The following ZNF423 variants were observed in gnomAD, a reference collection of about 807,000 sequenced individuals.
ZNF423 encodes the protein Ebf-associated zinc finger protein.
A neutral mutation model predicts 95.8 loss-of-function variants in ZNF423; 12 were observed. The ratio of observed to expected loss-of-function variants is 0.13; its 90% CI spans 0.08 to 0.20. ZNF423 has a LOEUF of 0.20. Among genes scored for constraint, ZNF423 ranks in the 10% least tolerant of loss-of-function variants. The pLI is 1.00. For synonymous variants in ZNF423, 749 were observed against 711.9 expected, an observed-to-expected ratio of 1.05 and a Z score of -0.83; for missense variants, 1,316 against 1,737.1, an observed-to-expected ratio of 0.76 and a Z score of 4.31.
At chr16:49,800,465 T>G (rs113032141) in intron 1 of ZNF423, among the ~76,000 whole-genome samples, 62 of 152,274 alleles carry the variant, frequency 4.1e-4, no homozygotes, top group African/African-American at 1.3e-3. Context: ...TGATCGGGGT[T>G]CTTTCTCTAA....
chr16:49,650,621 G>A (rs1973365674), intron 3 of ZNF423, among the ~76,000 whole-genome samples: 1 of 152,190 alleles, frequency 6.6e-6, no homozygotes, highest in Non-Finnish European at 1.5e-5. Flanking sequence ...GAGTAAGTGG[G>A]GGGCCACACA....
intron 7 of ZNF423, among the ~76,000 whole-genome samples, chr16:49,502,957 A>G (rs1407525191): frequency 2.0e-5 from 3 of 148,154 alleles, no homozygotes; most frequent in African/African-American, 2.5e-5. Context: ...GATGCCCCAC[A>G]ATCCCATGCA....
intron 4 of ZNF423, among the ~76,000 whole-genome samples, chr16:49,628,364 A>T (rs1461261759): frequency 1.3e-5 from 2 of 150,328 alleles, no homozygotes; most frequent in Non-Finnish European, 1.5e-5. Flanking sequence ...CCACCCATCC[A>T]TCTACATACA....
intron 2 of ZNF423, among the ~76,000 whole-genome samples, chr16:49,789,107 G>A (rs1234303139): frequency 6.6e-6 from 1 of 152,182 alleles, no homozygotes; most frequent in Admixed American, 6.5e-5. Context: ...GAGGGAAAGA[G>A]GAATTCTGAT....
chr16:49,853,356 T>C (rs545284827), intron 1 of ZNF423, among the ~76,000 whole-genome samples: 2 of 152,212 alleles, frequency 1.3e-5, no homozygotes, highest in Admixed American at 6.5e-5. Flanking sequence ...GGAACTCTTA[T>C]CTATCCAAAT....
At chr16:49,598,670 G>A (rs1380634869) in intron 5 of ZNF423, among the ~76,000 whole-genome samples, 2 of 152,236 alleles carry the variant, frequency 1.3e-5, no homozygotes, top group African/African-American at 4.8e-5. Flanking sequence ...CCCAGGCCTG[G>A]CCCTGCAATC....
Position 49,697,461 on chromosome 16 carries a change from G to C in ZNF423, c.301+33310C>G, listed in dbSNP as rs78506051. Reference sequence around the variant, plus strand: ...TGGAGTCCAAGCCAAGCACCAGGTAGAACCACCTAGAAGGCCATTCCTGAT... The same window carrying C: ...TGGAGTCCAAGCCAAGCACCAGGTACAACCACCTAGAAGGCCATTCCTGAT... On this transcript the variant is annotated intron_variant, in intron 3 of 7. Transcript: ENST00000563137. Among the ~76,000 whole-genome samples, 125 of 152,104 alleles carry C rather than the reference G, an allele frequency of 8.2e-4. 2 individuals are homozygous for C. The highest frequency in any genetic ancestry group is 2.9e-3 in the African/African-American group (121 of 41,512).
chr16:49,509,402 T>G (rs937084704), intron 7 of ZNF423, among the ~76,000 whole-genome samples: 1 of 152,184 alleles, frequency 6.6e-6, no homozygotes, highest in African/African-American at 2.4e-5. Flanking sequence ...AGAAGCAGAA[T>G]GAGTGGAGCC....
chr16:49,651,318 G>A (rs945425419), intron 3 of ZNF423, among the ~76,000 whole-genome samples: 1 of 151,902 alleles, frequency 6.6e-6, no homozygotes, highest in African/African-American at 2.4e-5. Context: ...AAGCCACCAC[G>A]CCTGGCCCAC....
intron 2 of ZNF423, among the ~76,000 whole-genome samples, chr16:49,755,004 C>A (rs572974969): frequency 7.2e-4 from 110 of 152,312 alleles, no homozygotes; most frequent in Admixed American, 1.6e-3. Flanking sequence ...TGCAACAGTC[C>A]GCCGGTGCGG....
intron 5 of ZNF423, among the ~76,000 whole-genome samples, chr16:49,591,504 T>G (rs1045540713): frequency 6.6e-6 from 1 of 150,678 alleles, no homozygotes; most frequent in Non-Finnish European, 1.5e-5. Flanking sequence ...GCATTATAAG[T>G]CCACTGCAAC....
At chr16:49,602,264 C>T (rs1355032154) in intron 5 of ZNF423, among the ~76,000 whole-genome samples, 1 of 152,246 alleles carries the variant, frequency 6.6e-6, no homozygotes, top group Non-Finnish European at 1.5e-5. Flanking sequence ...ACAACCAGTC[C>T]TCCCCAAGCT....
chr16:49,535,588 C>T (rs1028919241), intron 5 of ZNF423, among the ~76,000 whole-genome samples: 44 of 152,192 alleles, frequency 2.9e-4, no homozygotes, highest in Admixed American at 2.0e-3. Flanking sequence ...AGAGAACAAG[C>T]GGGACTTCAC....
intron 7 of ZNF423, among the ~76,000 whole-genome samples, chr16:49,516,617 G>A (rs1032674312): frequency 6.6e-6 from 1 of 152,156 alleles, no homozygotes; most frequent in African/African-American, 2.4e-5. Flanking sequence ...TTTCAGACAC[G>A]TGCATTGTTT....
At chr16:49,662,321 A>T (rs2030280179) in intron 3 of ZNF423, among the ~76,000 whole-genome samples, 1 of 152,136 alleles carries the variant, frequency 6.6e-6, no homozygotes. Flanking sequence ...GGAAGAAATG[A>T]TCTCCTGATG....
In ZNF423 at chr16:49,821,971, A is replaced by G. The variant is rs1597041754; in HGVS notation, c.41-32425T>C. On this transcript the variant is annotated intron_variant, in intron 1 of 7. Coordinates refer to ENST00000563137, the MANE Select transcript of ZNF423 (RefSeq NM_001379286.1). ...AGTTGGGTCTTCCTCTCTCTCCCGGAGAAGGTTCAATCACTTCCACATCCC... is the reference window on the plus strand; with the variant it reads ...AGTTGGGTCTTCCTCTCTCTCCCGGGGAAGGTTCAATCACTTCCACATCCC... Among the ~76,000 whole-genome samples, 3 of 152,098 alleles carry G rather than the reference A, an allele frequency of 2.0e-5. No individual in the cohort carries two copies. The East Asian group carries it at 5.8e-4, about 29-fold the overall frequency.
chr16:49,558,026 G>A (rs550982971), intron 5 of ZNF423, among the ~76,000 whole-genome samples: 5 of 152,168 alleles, frequency 3.3e-5, no homozygotes, highest in East Asian at 1.9e-4. Context: ...ACAGACAGCC[G>A]GACTGGAGCT....
chr16:49,693,242 T>C lies in ZNF423; in HGVS notation c.301+37529A>G, dbSNP rs1418656722. 2.0e-5 allele frequency among the ~76,000 whole-genome samples: 3 copies of C among 152,194 alleles called. No homozygotes were observed. The East Asian group carries it at 5.8e-4, about 29-fold the overall frequency. On this transcript the variant is annotated intron_variant, in intron 3 of 7. Coordinates refer to ENST00000563137, the MANE Select transcript of ZNF423 (RefSeq NM_001379286.1). ...GCATCTTTATTCCCTATGCTAATAA[T>C]AGGGGTCCACAGAAATGAGCAGGGT...
chr16:49,567,124 G>A (rs1240071760), intron 5 of ZNF423, among the ~76,000 whole-genome samples: 2 of 152,162 alleles, frequency 1.3e-5, no homozygotes, highest in African/African-American at 2.4e-5. Context: ...AGGAATTCAA[G>A]GCACAGAAAG....
Sources: allele counts gnomAD v4.1 joint callset (sites outside exome capture counted in the v4.1 genomes callset), GRCh38; gene constraint gnomAD v4.1.1; transcripts MANE v1.5; gene names NCBI Gene and HGNC (gene_info 2026-07-23, HGNC 2026-07-21).